FUT8: variants seen among roughly 807,000 people sequenced by gnomAD.
FUT8 encodes fucosyltransferase 8.
Under a neutral mutation model 71.3 loss-of-function variants are expected in FUT8, and 29 were observed. The ratio of observed to expected loss-of-function variants is 0.41; its 90% CI spans 0.30 to 0.55. FUT8 has a LOEUF of 0.55. Among genes scored for constraint, FUT8 ranks in the 20% least tolerant of loss-of-function variants. The pLI is 0.34. For missense variants in FUT8, 544 were observed against 702.1 expected (o/e 0.77, Z 2.55); for synonymous variants, 254 against 239.3 (o/e 1.06, Z -0.57).
intron 1 of FUT8, among the ~76,000 whole-genome samples, chr14:65,439,954 G>GTGTGTATATGTATA: frequency 1.3e-5 from 1 of 74,984 alleles, no homozygotes; most frequent in African/African-American, 5.1e-5. Flanking sequence ...GTGTGTGTGT[G>GTGTGTATATGTATA]TATATATATA....
intron 1 of FUT8, among the ~76,000 whole-genome samples, chr14:65,429,986 G>T (rs1303735944): frequency 1.3e-5 from 2 of 150,778 alleles, no homozygotes; most frequent in Non-Finnish European, 2.9e-5. Context: ...AGAACTCTCT[G>T]AGGTGACTGT....
At position 65,550,168 on chromosome 14, in the gene FUT8, TC is replaced by T. The variant is rs1452857774; in HGVS notation, c.-227-11167del. On this transcript the variant is annotated intron_variant, in intron 2 of 10. Transcript: ENST00000673929. The surrounding 1 kb of genome is among the most constrained non-coding windows in gnomAD (Gnocchi z 4.5). The stretch of plus-strand genomic sequence containing the variant: ...TTCTGGGTGAGAGCCTCAGGAAACT[TC>T]CTCTCATGGTAGAAGGCAAAGGGGG... 6.6e-6 allele frequency among the ~76,000 whole-genome samples: 1 copy of T among 152,032 alleles called. No homozygotes were observed. The highest frequency in any genetic ancestry group is 1.5e-5 in the Non-Finnish European group (1 of 67,998).
chr14:65,614,050 G>A (rs1284466414), intron 3 of FUT8, among the ~76,000 whole-genome samples: 1 of 149,886 alleles, frequency 6.7e-6, no homozygotes, highest in Non-Finnish European at 1.5e-5. Context: ...GGAGGCAGTG[G>A]TTGTGGCAAG....
intron 6 of FUT8, among the ~76,000 whole-genome samples, chr14:65,630,741 C>A (rs1260803287): frequency 6.6e-6 from 1 of 152,082 alleles, no homozygotes; most frequent in Non-Finnish European, 1.5e-5. Context: ...ATAATGGGGA[C>A]ATCATTATCT....
In FUT8 at chr14:65,730,853, T is replaced by C. The variant is rs887199171; in HGVS notation, c.1260-2378T>C. Among the ~76,000 whole-genome samples, 12 of 152,248 alleles carry C rather than the reference T, an allele frequency of 7.9e-5. No homozygotes were observed. The East Asian group carries it at 2.3e-3, about 29-fold the overall frequency. ...GGCTATCCAACATTGCATTCTAAGATTGTGGAGATTAGGGATGGGGTTAAA... is the reference window on the plus strand; with the variant it reads ...GGCTATCCAACATTGCATTCTAAGACTGTGGAGATTAGGGATGGGGTTAAA... On this transcript the variant is annotated intron_variant, in intron 9 of 10. Coordinates refer to ENST00000673929, the MANE Select transcript of FUT8 (RefSeq NM_001371533.1).
chr14:65,692,786 CAG>C (rs1373530419), intron 7 of FUT8, among the ~76,000 whole-genome samples: 6 of 149,820 alleles, frequency 4.0e-5, no homozygotes, highest in African/African-American at 1.5e-4. Context: ...CCTCACTTCT[CAG>C]AGGGGGCGGC....
At chr14:65,357,922 G>GA in the FUT8 span, among the ~76,000 whole-genome samples, 1 of 152,194 alleles carries the variant, frequency 6.6e-6, no homozygotes, top group East Asian at 1.9e-4. Context: ...TATGTTAAGT[G>GA]AAGTAAACTG....
intron 7 of FUT8, among the ~76,000 whole-genome samples, chr14:65,720,211 T>C (rs1895342925): frequency 6.6e-6 from 1 of 152,182 alleles, no homozygotes; most frequent in Non-Finnish European, 1.5e-5. Flanking sequence ...ACTCCTCTTT[T>C]CATAGGCAAA....
chr14:65,624,464 G>C (rs146458191), intron 5 of FUT8, among the ~76,000 whole-genome samples: 1 of 152,168 alleles, frequency 6.6e-6, no homozygotes, highest in East Asian at 1.9e-4. Context: ...CATTCACAAT[G>C]GTAAAGGAAT....
At chr14:65,540,502 GCCAGGCA>G (rs761222424) in intron 2 of FUT8, among the ~76,000 whole-genome samples, 1 of 152,210 alleles carries the variant, frequency 6.6e-6, no homozygotes, top group African/African-American at 2.4e-5. Flanking sequence ...GAAGATGGAA[GCCAGGCA>G]TCTAGAGTGG....
chr14:65,542,079 A>G (rs183696150), intron 2 of FUT8, among the ~76,000 whole-genome samples: 40 of 152,318 alleles, frequency 2.6e-4, no homozygotes, highest in Admixed American at 1.8e-3. Context: ...CTACGTCGTA[A>G]GGGTATTGAG....
chr14:65,717,477 C>T (rs1374689454), intron 7 of FUT8, among the ~76,000 whole-genome samples: 4 of 141,242 alleles, frequency 2.8e-5, no homozygotes, highest in South Asian at 2.3e-4. Flanking sequence ...TCCTCACTTC[C>T]TAGACGGGGC....
intron 1 of FUT8, among the ~76,000 whole-genome samples, chr14:65,424,741 A>G (rs1040755314): frequency 2.0e-5 from 3 of 151,488 alleles, no homozygotes; most frequent in Non-Finnish European, 4.4e-5. Flanking sequence ...GCTCACTGCA[A>G]CCTCTGCCTT....
At chr14:65,491,913 C>A (rs1383266809) in intron 2 of FUT8, among the ~76,000 whole-genome samples, 1 of 152,108 alleles carries the variant, frequency 6.6e-6, no homozygotes, top group Non-Finnish European at 1.5e-5. Context: ...CTGGTTCTCT[C>A]TTAAGAGAAG....
intron 3 of FUT8, among the ~76,000 whole-genome samples, chr14:65,575,248 TCTTC>T (rs1354490098): frequency 1.3e-5 from 2 of 151,986 alleles, no homozygotes; most frequent in African/African-American, 2.4e-5. Context: ...CTCCCTCCTT[TCTTC>T]CTTCCTTTTC....
chr14:65,605,309 T>G (rs1888522609), intron 3 of FUT8, among the ~76,000 whole-genome samples: 1 of 151,922 alleles, frequency 6.6e-6, no homozygotes, highest in Admixed American at 6.6e-5. Context: ...TGGGCTACCT[T>G]TAATGTATGT....
chr14:65,734,661 G>GT (rs892348875), intron 10 of FUT8, among the ~76,000 whole-genome samples: 2 of 152,116 alleles, frequency 1.3e-5, no homozygotes, highest in African/African-American at 4.8e-5. Context: ...CCTTGCAACT[G>GT]TTTTTGAGAG....
At chr14:65,661,783 G>A (rs2140351343) in intron 6 of FUT8, among the ~76,000 whole-genome samples, 1 of 152,326 alleles carries the variant, frequency 6.6e-6, no homozygotes, top group African/African-American at 2.4e-5. Context: ...AACGCCTATG[G>A]TTTACTAGTT....
intron 10 of FUT8, among the ~76,000 whole-genome samples, chr14:65,739,531 G>T (rs1030997778): frequency 6.6e-6 from 1 of 151,988 alleles, no homozygotes; most frequent in Non-Finnish European, 1.5e-5. Context: ...AGAGTAAGAC[G>T]TTTAAGAGTG....
Sources: gnomAD v4.1 joint callset for allele counts (sites outside exome capture counted in the v4.1 genomes callset) on GRCh38, gnomAD v4.1.1 for gene constraint, Gnocchi (gnomAD v3.1) non-coding constraint, MANE v1.5 for transcripts, NCBI Gene and HGNC (gene_info 2026-07-23, HGNC 2026-07-21) for gene names.